Variants in SRGAP1 observed in about 807,000 individuals in gnomAD.
SRGAP1 encodes the protein SLIT-ROBO Rho GTPase activating protein 1.
In SRGAP1, 43 loss-of-function variants were observed where a neutral mutation model predicts 121.9. That is an observed-to-expected ratio of 0.35 (90% CI 0.28 to 0.46). The LOEUF (loss-of-function observed/expected upper bound fraction) is 0.46, where lower values mean the gene tolerates loss of function less well. SRGAP1 is among the 20% of genes least tolerant of loss of function. SRGAP1 has a pLI of 1.00. For missense variants in SRGAP1, 1,102 were observed against 1,350.9 expected (o/e 0.82, Z 2.89); for synonymous variants, 447 against 485.4 (o/e 0.92, Z 1.04).
intron 18 of SRGAP1, among the ~76,000 whole-genome samples, chr12:64,122,820 C>G (rs1027703531): frequency 1.1e-4 from 17 of 152,128 alleles, no homozygotes; most frequent in African/African-American, 3.9e-4. Context: ...ATCGCTTGAA[C>G]CCGGGAGGCA....
At chr12:63,856,538 G>C (rs73126620) in intron 1 of SRGAP1, among the ~76,000 whole-genome samples, 10,464 of 144,712 alleles carry the variant, frequency 0.072, 534 homozygotes, top group East Asian at 0.26. Flanking sequence ...CCTTTCTTGG[G>C]TTCCATGTGC....
At chr12:64,080,728 C>A in intron 10 of SRGAP1, 2 of 346,730 alleles carry the variant, frequency 5.8e-6, no homozygotes, top group Non-Finnish European at 1.1e-5. Context: ...TCTCAGACTT[C>A]TGCACCCTTC....
rs141308294 is a variant in SRGAP1 at position 64,116,044 on chromosome 12, C to T, written c.2224+151C>T. 4.1e-3 allele frequency: 2,608 copies of T among 642,666 alleles called. 39 individuals are homozygous for T. The African/African-American group carries it at 0.043, about 11-fold the overall frequency. 39.8% of individuals were successfully genotyped at this position (642,666 alleles called of 1,614,324 possible). On this transcript the variant is annotated intron_variant, in intron 18 of 21. Transcript: ENST00000355086. ...CCAAGGTTGGAGGATCACTTGAGCCCAGGAGTTCAACACCAGCCTGTGCAA... is the reference window on the plus strand; with the variant it reads ...CCAAGGTTGGAGGATCACTTGAGCCTAGGAGTTCAACACCAGCCTGTGCAA...
rs1333507291 is a variant in SRGAP1, at chr12:63,915,762, G to T, written c.68-68185G>T. The stretch of plus-strand genomic sequence containing the variant: ...CCTTTCAAACAGCATTTATTAGAAA[G>T]ATAAAGGAAAACCAAATGTGATTTG... On this transcript the variant is annotated intron_variant, in intron 1 of 21. Coordinates refer to ENST00000355086, the MANE Select transcript of SRGAP1 (RefSeq NM_020762.4). Among the ~76,000 whole-genome samples, 4 of 152,134 alleles carry T rather than the reference G, an allele frequency of 2.6e-5. No homozygotes were observed. In the East Asian group the frequency reaches 7.7e-4, roughly 29 times the overall value.
At chr12:63,936,966 G>T (rs576816017) in intron 1 of SRGAP1, among the ~76,000 whole-genome samples, 1 of 152,172 alleles carries the variant, frequency 6.6e-6, no homozygotes, top group South Asian at 2.1e-4. Flanking sequence ...TCAAATGAGA[G>T]AGCGCCATAT....
chr12:63,891,943 A>G lies in SRGAP1; in HGVS notation c.67+47060A>G, dbSNP rs147866576. ...AGAGGCTGCAGTGAGCTGAGACTGT[A>G]CTACTCCACTCCATCCTGGGCCACA... is the stretch of plus-strand genomic sequence containing the variant. On this transcript the variant is annotated intron_variant, in intron 1 of 21. Coordinates refer to ENST00000355086, the MANE Select transcript of SRGAP1 (RefSeq NM_020762.4). Among the ~76,000 whole-genome samples, 1,137 of 149,296 alleles carry G rather than the reference A, an allele frequency of 7.6e-3. 19 individuals are homozygous for G. The highest frequency in any genetic ancestry group is 0.026 in the African/African-American group (1,071 of 40,580).
intron 1 of SRGAP1, among the ~76,000 whole-genome samples, chr12:63,939,951 A>G (rs2031804826): frequency 6.6e-6 from 1 of 150,948 alleles, no homozygotes; most frequent in African/African-American, 2.4e-5. Context: ...CAATCTTTCT[A>G]TCTCTCTTTT....
rs769105085 is a variant in SRGAP1, at chr12:63,844,925, C to T, written c.67+42C>T. The T allele has an allele frequency of 1.3e-6, 2 of 1,575,760 alleles. No individual in the cohort carries two copies. The highest frequency in any genetic ancestry group is 2.2e-5 in the East Asian group (1 of 44,690). On this transcript the variant is annotated intron_variant, in intron 1 of 21. Coordinates refer to ENST00000355086, the MANE Select transcript of SRGAP1 (RefSeq NM_020762.4). The surrounding 1 kb of genome is among the most constrained non-coding windows in gnomAD (Gnocchi z 4.3). ...CTGCCTTGCTCCTTTTGTGTGCCTT[C>T]TTGTCATTGTGCTCGTGGAGTTGCG...
chr12:63,996,040 C>A, intron 3 of SRGAP1, among the ~76,000 whole-genome samples: 1 of 149,560 alleles, frequency 6.7e-6, no homozygotes. Context: ...AAAAAAAGTA[C>A]CATAAGTTAA....
chr12:63,855,608 A>G (rs937665121), intron 1 of SRGAP1, among the ~76,000 whole-genome samples: 1 of 143,614 alleles, frequency 7.0e-6, no homozygotes, highest in East Asian at 2.1e-4. Context: ...CTCATGCCTC[A>G]GCTTCCCAAG....
At chr12:64,030,007 A>G (rs542378776) in intron 4 of SRGAP1, among the ~76,000 whole-genome samples, 232 of 152,278 alleles carry the variant, frequency 1.5e-3, no homozygotes, top group African/African-American at 5.3e-3. Context: ...CCCCACTACA[A>G]TGAGTACTTG....
At chr12:64,100,815 T>G (rs1192392288) in intron 15 of SRGAP1, among the ~76,000 whole-genome samples, 1 of 152,206 alleles carries the variant, frequency 6.6e-6, no homozygotes, top group Non-Finnish European at 1.5e-5. Flanking sequence ...GTGACCATAA[T>G]GCATTTTTCC....
chr12:63,981,757 A>G (rs2033254342), intron 1 of SRGAP1, among the ~76,000 whole-genome samples: 1 of 152,216 alleles, frequency 6.6e-6, no homozygotes, highest in South Asian at 2.1e-4. Context: ...CACTTGAGAA[A>G]TTCTTCCCTG....
At chr12:64,077,285 AT>A (rs1282181800) in intron 8 of SRGAP1, among the ~76,000 whole-genome samples, 1 of 152,076 alleles carries the variant, frequency 6.6e-6, no homozygotes, top group African/African-American at 2.4e-5. Context: ...AGAAAAAGAT[AT>A]TTAGTAAATG....
At chr12:63,856,819 A>G (rs1177152030) in intron 1 of SRGAP1, among the ~76,000 whole-genome samples, 2 of 152,156 alleles carry the variant, frequency 1.3e-5, no homozygotes, top group Non-Finnish European at 2.9e-5. Context: ...TTGGCCTTCC[A>G]TTGAAAACAC....
At position 64,146,945 on chromosome 12, in the gene SRGAP1, G is replaced by T. The variant is rs1260780067; in HGVS notation, c.*4273G>T. Reference sequence around the variant, plus strand: ...ATGGATACCTGTGTCTTTAAATTACGTAGGGAATTTTGTATGTTTAAATAA... The same window carrying T: ...ATGGATACCTGTGTCTTTAAATTACTTAGGGAATTTTGTATGTTTAAATAA... On this transcript the variant is annotated 3_prime_UTR_variant, in exon 22 of 22. Coordinates refer to ENST00000355086, the MANE Select transcript of SRGAP1 (RefSeq NM_020762.4). 6.6e-6 allele frequency: 1 copy of T among 151,180 alleles called. No homozygotes were observed. The highest frequency in any genetic ancestry group is 1.5e-5 in the Non-Finnish European group (1 of 67,938). The allele number at this position is 151,180 out of a possible 1,614,324, so 9.4% of individuals were successfully genotyped here. A position where few individuals can be genotyped will look rare whatever the true frequency, so the allele number is the denominator to read the frequency against.
chr12:63,993,107 A>G (rs2033600229), intron 3 of SRGAP1, among the ~76,000 whole-genome samples: 1 of 152,230 alleles, frequency 6.6e-6, no homozygotes, highest in Admixed American at 6.5e-5. Context: ...ATCAACCCCT[A>G]GGACACATTT....
rs78707768 is a variant in SRGAP1, at chr12:64,086,002, A to G, written c.1409-997A>G. Reference sequence around the variant, plus strand: ...TATTCAAGAGGAGATAATAGAGTCAAAGGCTCTACTGCAGCCTGGAAGTGT... The same window carrying G: ...TATTCAAGAGGAGATAATAGAGTCAGAGGCTCTACTGCAGCCTGGAAGTGT... On this transcript the variant is annotated intron_variant, in intron 10 of 21. Coordinates refer to ENST00000355086, the MANE Select transcript of SRGAP1 (RefSeq NM_020762.4). 6.9e-4 allele frequency among the ~76,000 whole-genome samples: 105 copies of G among 152,324 alleles called. 2 individuals carry two copies. In the East Asian group the frequency reaches 0.019, roughly 27 times the overall value.
intron 2 of SRGAP1, among the ~76,000 whole-genome samples, chr12:63,985,177 A>G (rs940182658): frequency 6.6e-6 from 1 of 152,184 alleles, no homozygotes; most frequent in African/African-American, 2.4e-5. Flanking sequence ...TCCTGAAAGA[A>G]GTGGCATCTA....
Sources: allele counts gnomAD v4.1 joint callset (sites outside exome capture counted in the v4.1 genomes callset), GRCh38; gene constraint gnomAD v4.1.1; non-coding constraint Gnocchi (gnomAD v3.1); transcripts MANE v1.5; gene names NCBI Gene and HGNC (gene_info 2026-07-23, HGNC 2026-07-21).